CFAP44: variants seen among roughly 807,000 people sequenced by gnomAD.
The protein encoded by CFAP44 is cilia- and flagella-associated protein 44.
CFAP44 carries 134 observed loss-of-function variants against 216.2 expected under a neutral mutation model. The observed-to-expected ratio is 0.62, with a 90% CI of 0.54 to 0.72. CFAP44 has a LOEUF of 0.72. Among genes scored for constraint, CFAP44 ranks in the 30% least tolerant of loss-of-function variants. CFAP44 has a pLI of 0.00. For synonymous variants in CFAP44, 700 were observed against 727.6 expected, an observed-to-expected ratio of 0.96 and a Z score of 0.61; for missense variants, 2,035 against 2,182.1, an observed-to-expected ratio of 0.93 and a Z score of 1.34.
chr3:113,287,375 A>G lies in CFAP44; in HGVS notation c.*4182T>C, dbSNP rs1949775803. 1.2e-5 allele frequency: 2 copies of G among 161,242 alleles called. No homozygotes were observed. The highest frequency in any genetic ancestry group is 2.4e-5 in the African/African-American group (1 of 41,706). 10.0% of individuals were successfully genotyped at this position (161,242 alleles called of 1,614,324 possible). On this transcript the variant is annotated 3_prime_UTR_variant, in exon 35 of 35. Coordinates refer to ENST00000393845, the MANE Select transcript of CFAP44 (RefSeq NM_001164496.2). ...TATGAGCATTAAAAAACCTTCCAGAATCAATAATCCGTGGCAACATATCTC... is the reference window on the plus strand; with the variant it reads ...TATGAGCATTAAAAAACCTTCCAGAGTCAATAATCCGTGGCAACATATCTC...
chr3:113,433,123 A>G (rs1160818525), intron 2 of CFAP44, among the ~76,000 whole-genome samples: 1 of 152,014 alleles, frequency 6.6e-6, no homozygotes, highest in Non-Finnish European at 1.5e-5. Flanking sequence ...GCTTTCTGGG[A>G]ACAGGGAGTA....
chr3:113,343,447 A>G (rs576172965), intron 23 of CFAP44, among the ~76,000 whole-genome samples: 2 of 152,372 alleles, frequency 1.3e-5, no homozygotes, highest in African/African-American at 4.8e-5. Flanking sequence ...AGATATTTAT[A>G]TAGTTATAAA....
At chr3:113,362,542 C>T (rs1950551288) in intron 21 of CFAP44, among the ~76,000 whole-genome samples, 1 of 152,186 alleles carries the variant, frequency 6.6e-6, no homozygotes, top group Admixed American at 6.5e-5. Flanking sequence ...TGGTGCACTT[C>T]CTTACAATAA....
At position 113,363,323 on chromosome 3, in the gene CFAP44, TA is replaced by T; in HGVS notation, c.2772-17del. On this transcript the variant is annotated splice_polypyrimidine_tract_variant and intron_variant, in intron 20 of 34. Coordinates refer to ENST00000393845, the MANE Select transcript of CFAP44 (RefSeq NM_001164496.2). ...ATTCTCGATACTGAAAACAGAAATT[TA>T]AAACAATAACAGGTTGTGATACAGA... 6.3e-7 allele frequency: 1 copy of T among 1,595,224 alleles called. No homozygotes were observed. The highest frequency in any genetic ancestry group is 8.5e-7 in the Non-Finnish European group (1 of 1,173,470).
At chr3:113,408,826 G>A (rs942958703) in intron 7 of CFAP44, among the ~76,000 whole-genome samples, 1 of 139,012 alleles carries the variant, frequency 7.2e-6, no homozygotes, top group African/African-American at 2.7e-5. Flanking sequence ...TCATGCCATT[G>A]CACTCCAGCC....
At chr3:113,321,337 A>G (rs185204546) in intron 28 of CFAP44, among the ~76,000 whole-genome samples, 130 of 152,344 alleles carry the variant, frequency 8.5e-4, no homozygotes, top group African/African-American at 2.9e-3. Context: ...CATAATAAAA[A>G]TCCTTGACAG....
chr3:113,423,246 C>A (rs1934868724), intron 4 of CFAP44, among the ~76,000 whole-genome samples: 1 of 151,438 alleles, frequency 6.6e-6, no homozygotes, highest in African/African-American at 2.4e-5. Context: ...CCCCAGGTAG[C>A]TGAGACTACA....
At chr3:113,344,772 T>C in intron 22 of CFAP44, 60 bp from the exon 23 acceptor site, 1 of 1,370,370 alleles carries the variant, frequency 7.3e-7, no homozygotes, top group South Asian at 1.6e-5. Flanking sequence ...GCATAATTAC[T>C]AAGTAATAAA....
At chr3:113,325,726 G>A (rs765864129) in intron 28 of CFAP44, among the ~76,000 whole-genome samples, 6 of 152,002 alleles carry the variant, frequency 3.9e-5, no homozygotes, top group African/African-American at 9.7e-5. Context: ...TCTAAAATAC[G>A]GAAATATCAA....
At chr3:113,357,951 CAGT>C (rs965969835) in intron 22 of CFAP44, among the ~76,000 whole-genome samples, 10 of 151,912 alleles carry the variant, frequency 6.6e-5, no homozygotes, top group Admixed American at 5.2e-4. Context: ...TATCTATTAA[CAGT>C]AGAAGGGATA....
At chr3:113,413,112 C>A (rs144479732) in intron 6 of CFAP44, among the ~76,000 whole-genome samples, 1,910 of 152,220 alleles carry the variant, frequency 0.013, 33 homozygotes, top group African/African-American at 0.043. Context: ...ATTTGCATTT[C>A]TCTGATGATC....
At position 113,306,325 on chromosome 3, in the gene CFAP44, T is replaced by G. The variant is rs1949985245; in HGVS notation, c.4634A>C (p.Asp1545Ala). 1 of 1,536,114 alleles carries G rather than the reference T, an allele frequency of 6.5e-7. No homozygotes were observed. Among genetic ancestry groups the G allele is most frequent in the Non-Finnish European group, 8.7e-7 (1 of 1,146,570 alleles). Reference protein sequence around the residue: ...FDDSICPTNCDVALFELALHL... With the variant: ...FDDSICPTNCAVALFELALHL... ...AAGGGCCAGCTCAAAAAGAGCCACATCACAATCTGCCAAGAGAATTAAAAT... is the reference window on the plus strand; with the variant it reads ...AAGGGCCAGCTCAAAAAGAGCCACAGCACAATCTGCCAAGAGAATTAAAAT... The change falls in exon 30 of 35, where the codon GAT becomes GCT. Residue 1545 changes from aspartate to alanine, a missense_variant. By Grantham distance (126) the Asp-to-Ala change is moderately radical (BLOSUM62 -2). Around this residue, in one of 3 missense-constraint regions of CFAP44, gnomAD observed 1,883 missense variants for 2,023.7 expected, o/e 0.93. Coordinates refer to ENST00000393845, the MANE Select transcript of CFAP44 (RefSeq NM_001164496.2).
At chr3:113,401,872 G>A in intron 9 of CFAP44, 133 bp from the exon 10 acceptor site, 3 of 987,062 alleles carry the variant, frequency 3.0e-6, no homozygotes, top group Non-Finnish European at 4.3e-6. Flanking sequence ...ATGAACAAGT[G>A]TGATAAGAAC....
In CFAP44 at chr3:113,426,301, A is replaced by T. The variant is rs1053229783; in HGVS notation, c.254-24T>A. 1.9e-6 allele frequency: 3 copies of T among 1,609,822 alleles called. No individual in the cohort carries two copies. The African/African-American group carries it at 4.0e-5, about 22-fold the overall frequency. On this transcript the variant is annotated intron_variant, in intron 3 of 34. Coordinates refer to ENST00000393845, the MANE Select transcript of CFAP44 (RefSeq NM_001164496.2). ...TACTAAAAAAATAAAATAATTTAAG[A>T]AGAGTGATATGGTTTGGCTGTGTCC...
At chr3:113,420,963 A>G (rs989650651) in intron 4 of CFAP44, among the ~76,000 whole-genome samples, 7 of 152,096 alleles carry the variant, frequency 4.6e-5, no homozygotes, top group African/African-American at 1.4e-4. Flanking sequence ...TATGTATGCT[A>G]TAGAGTAAAA....
chr3:113,327,543 TAAG>T (rs778382324), intron 27 of CFAP44, 70 bp downstream of exon 27: 43 of 1,353,972 alleles, frequency 3.2e-5, no homozygotes, highest in Non-Finnish European at 4.2e-5. Flanking sequence ...AGATTTGAGT[TAAG>T]AAGAAAAAGA....
chr3:113,410,385 G>A (rs897820073), intron 6 of CFAP44, among the ~76,000 whole-genome samples: 1 of 152,110 alleles, frequency 6.6e-6, no homozygotes, highest in East Asian at 1.9e-4. Context: ...ACCTATGAGT[G>A]AGAACATGCA....
intron 2 of CFAP44, chr3:113,429,202 T>C (rs1465223783): frequency 6.6e-6 from 1 of 152,212 alleles, no homozygotes; most frequent in Admixed American, 6.5e-5. Flanking sequence ...TATTATGAAG[T>C]AACTAGTACT....
chr3:113,404,589 C>T (rs561008101), intron 8 of CFAP44, among the ~76,000 whole-genome samples: 1 of 152,172 alleles, frequency 6.6e-6, no homozygotes, highest in African/African-American at 2.4e-5. Context: ...GACTCTGTAC[C>T]AAGCACTGGT....
Sources: gnomAD v4.1 joint callset for allele counts (sites outside exome capture counted in the v4.1 genomes callset) on GRCh38, gnomAD v4.1.1 for gene constraint, gnomAD v4.1.1 regional missense constraint, MANE v1.5 for transcripts, NCBI Gene and HGNC (gene_info 2026-07-23, HGNC 2026-07-21) for gene names.